Variants in RANBP2 observed in about 807,000 individuals in gnomAD.
The protein encoded by RANBP2 is RAN binding protein 2, also known as E3 SUMO-protein ligase RanBP2.
Under a neutral mutation model 303.6 loss-of-function variants are expected in RANBP2, and 57 were observed. The ratio of observed to expected loss-of-function variants is 0.19; its 90% CI spans 0.15 to 0.23. The LOEUF is 0.23. RANBP2 is among the 10% of genes least tolerant of loss of function. RANBP2 has a pLI of 1.00. For missense variants in RANBP2, 3,138 were observed against 3,780.8 expected, an observed-to-expected ratio of 0.83 and a Z score of 4.46; for synonymous variants, 1,167 against 1,301.5, an observed-to-expected ratio of 0.90 and a Z score of 2.23.
chr2:109,613,268 G>A, the RANBP2 span: 1 of 897,844 alleles, frequency 1.1e-6, no homozygotes, highest in Admixed American at 2.9e-5. Context: ...CGTTCTTTTA[G>A]AGTACAAAAG....
At chr2:109,620,936 T>C in the RANBP2 span, among the ~76,000 whole-genome samples, 22 of 152,176 alleles carry the variant, frequency 1.4e-4, no homozygotes, top group Admixed American at 1.4e-3. Flanking sequence ...AGATAGAACA[T>C]TCAGCCTTTG....
the RANBP2 span, among the ~76,000 whole-genome samples, chr2:109,732,025 T>C: frequency 6.6e-6 from 1 of 151,974 alleles, no homozygotes; most frequent in South Asian, 2.1e-4. Flanking sequence ...ACTTTATTTA[T>C]GTATTTATTT....
the RANBP2 span, among the ~76,000 whole-genome samples, chr2:109,190,549 TATAAC>T: frequency 0.01 from 1,587 of 152,356 alleles, 17 homozygotes; most frequent in Non-Finnish European, 0.016. Context: ...TGTGGAATTG[TATAAC>T]ACCTGAGTGA....
chr2:109,091,100 A>G, the RANBP2 span, among the ~76,000 whole-genome samples: 2 of 152,180 alleles, frequency 1.3e-5, no homozygotes, highest in Non-Finnish European at 2.9e-5. Flanking sequence ...GCATGGTGGT[A>G]CACGCCTGTA....
At chr2:108,877,589 C>CA in the RANBP2 span, among the ~76,000 whole-genome samples, 2 of 65,618 alleles carry the variant, frequency 3.0e-5, no homozygotes. Context: ...TCTCGGAACT[C>CA]AGAGTATATA....
the RANBP2 span, among the ~76,000 whole-genome samples, chr2:109,559,188 A>C: frequency 6.6e-6 from 1 of 152,186 alleles, no homozygotes; most frequent in Admixed American, 6.5e-5. Context: ...GCCTGGCCAG[A>C]TATAACTTCT....
At chr2:109,356,227 C>G in the RANBP2 span, among the ~76,000 whole-genome samples, 1 of 152,108 alleles carries the variant, frequency 6.6e-6, no homozygotes, top group Non-Finnish European at 1.5e-5. Flanking sequence ...AGCCTCTACA[C>G]CAAAATGACT....
At chr2:109,089,544 T>C in the RANBP2 span, among the ~76,000 whole-genome samples, 2 of 152,174 alleles carry the variant, frequency 1.3e-5, no homozygotes, top group Non-Finnish European at 2.9e-5. Context: ...AGTTCAAAGC[T>C]TCAGTGAGCT....
the RANBP2 span, among the ~76,000 whole-genome samples, chr2:109,304,180 G>A: frequency 1.6e-4 from 24 of 151,894 alleles, no homozygotes; most frequent in Non-Finnish European, 2.9e-4. Context: ...TCACACTGCT[G>A]TACAGTAGAT....
chr2:109,335,205 C>T, the RANBP2 span, among the ~76,000 whole-genome samples: 1 of 152,250 alleles, frequency 6.6e-6, no homozygotes, highest in Non-Finnish European at 1.5e-5. Context: ...CCGAGGCCTA[C>T]GCACCTCAGA....
chr2:109,066,086 C>T, the RANBP2 span, among the ~76,000 whole-genome samples: 14 of 151,758 alleles, frequency 9.2e-5, no homozygotes, highest in African/African-American at 2.7e-4. Flanking sequence ...TACAGGCATG[C>T]GCCACCATGC....
At chr2:109,471,551 CAG>C in the RANBP2 span, among the ~76,000 whole-genome samples, 2 of 152,158 alleles carry the variant, frequency 1.3e-5, no homozygotes, top group Non-Finnish European at 1.5e-5. Context: ...AGTGGGGACA[CAG>C]AGCCAAACCA....
At chr2:108,997,673 C>T in the RANBP2 span, among the ~76,000 whole-genome samples, 1 of 151,834 alleles carries the variant, frequency 6.6e-6, no homozygotes, top group African/African-American at 2.4e-5. Flanking sequence ...GGGTGGATAA[C>T]GAGGTCAGGA....
the RANBP2 span, among the ~76,000 whole-genome samples, chr2:109,445,816 C>T: frequency 1.8e-4 from 27 of 152,142 alleles, no homozygotes; most frequent in East Asian, 5.2e-3. Flanking sequence ...AGCGATACCC[C>T]TGAAAATAAG....
the RANBP2 span, among the ~76,000 whole-genome samples, chr2:109,057,936 C>T: frequency 4.1e-3 from 624 of 152,316 alleles, 5 homozygotes; most frequent in African/African-American, 0.014. Context: ...GCTCAGTAGT[C>T]GCTCATTATG....
chr2:109,372,759 T>G, the RANBP2 span, among the ~76,000 whole-genome samples: 5 of 152,166 alleles, frequency 3.3e-5, no homozygotes, highest in Non-Finnish European at 7.4e-5. Flanking sequence ...AACTGCAGTT[T>G]ACTCAGCTCA....
the RANBP2 span, among the ~76,000 whole-genome samples, chr2:109,124,096 C>T: frequency 6.6e-6 from 1 of 151,992 alleles, no homozygotes; most frequent in East Asian, 1.9e-4. Flanking sequence ...CTGCAGCCTC[C>T]ACCTCCCGGG....
chr2:108,755,488 C>T (rs1001696785), intron 17 of RANBP2, among the ~76,000 whole-genome samples: 46 of 151,780 alleles, frequency 3.0e-4, no homozygotes, highest in African/African-American at 1.0e-3. Context: ...CCTCCTAGCT[C>T]AAGAGAGGCT....
chr2:108,949,653 G>T, the RANBP2 span, among the ~76,000 whole-genome samples: 1 of 152,180 alleles, frequency 6.6e-6, no homozygotes, highest in African/African-American at 2.4e-5. Flanking sequence ...TCTGAGGTTG[G>T]AGGATTGGTT....
Sources: allele counts gnomAD v4.1 joint callset (sites outside exome capture counted in the v4.1 genomes callset), GRCh38; gene constraint gnomAD v4.1.1; transcripts MANE v1.5; gene names NCBI Gene and HGNC (gene_info 2026-07-23, HGNC 2026-07-21).